Variants in GIPC2 observed in about 807,000 individuals in gnomAD.
GIPC2 encodes GIPC PDZ domain containing family member 2, also known as PDZ domain-containing protein GIPC2.
In GIPC2, 30 loss-of-function variants were observed where a neutral mutation model predicts 30.6. The ratio of observed to expected loss-of-function variants is 0.98; its 90% CI spans 0.73 to 1.33. GIPC2 has a LOEUF of 1.33. GIPC2 is among the 40% of genes most tolerant of loss of function. The pLI, the probability that GIPC2 is intolerant of heterozygous loss-of-function variation, is 0.00. For missense variants in GIPC2, 414 were observed against 390.3 expected (o/e 1.06, Z -0.51); for synonymous variants, 167 against 150.0 (o/e 1.11, Z -0.83).
At position 78,046,009 on chromosome 1, in the gene GIPC2, G is replaced by C; in HGVS notation, c.-86G>C. 1 of 1,393,762 alleles carries C rather than the reference G, an allele frequency of 7.2e-7. No individual in the cohort carries two copies. 86.3% of individuals were successfully genotyped at this position (1,393,762 alleles called of 1,614,324 possible). On this transcript the variant is annotated 5_prime_UTR_variant, in exon 1 of 6. Transcript: ENST00000370759. The stretch of plus-strand genomic sequence containing the variant: ...CATTGGAGGCTGCTTTTACCTGCGC[G>C]GGGCCCGGGGCGCAAAGTCCGAGGC...
chr1:78,091,961 T>TGAAG, intron 2 of GIPC2: 1 of 1,154,358 alleles, frequency 8.7e-7, no homozygotes, highest in Non-Finnish European at 1.3e-6. Context: ...TTGCTTCTTC[T>TGAAG]TCGTTTTGAA....
At chr1:78,121,259 G>A (rs1460732273) in intron 4 of GIPC2, among the ~76,000 whole-genome samples, 1 of 152,128 alleles carries the variant, frequency 6.6e-6, no homozygotes, top group African/African-American at 2.4e-5. Flanking sequence ...AAGGCATGGG[G>A]GTCAAAGCCC....
intron 3 of GIPC2, among the ~76,000 whole-genome samples, chr1:78,116,487 T>A (rs900036313): frequency 2.6e-5 from 4 of 152,178 alleles, no homozygotes; most frequent in Non-Finnish European, 5.9e-5. Flanking sequence ...GTATATCTCC[T>A]AATGCTATCC....
At chr1:78,052,107 C>T (rs967665575) in intron 1 of GIPC2, among the ~76,000 whole-genome samples, 5 of 152,068 alleles carry the variant, frequency 3.3e-5, no homozygotes, top group African/African-American at 1.2e-4. Flanking sequence ...AATGCTGGAG[C>T]CTTAAGACTT....
chr1:78,080,804 G>C lies in GIPC2; in HGVS notation c.370G>C (p.Glu124Gln). 1 of 1,610,470 alleles carries C rather than the reference G, an allele frequency of 6.2e-7. No homozygotes were observed. The highest frequency in any genetic ancestry group is 8.5e-7 in the Non-Finnish European group (1 of 1,177,256). Residue 124 changes from glutamate to glutamine, a missense_variant, in exon 2 of 6, where the codon GAG (glutamate) becomes CAG (glutamine). Transcript: ENST00000370759. ...AAAAGAAGTGAATGTGTATAAATCTGAGGATTCACTTGGTCTCACCATTAC... is the reference window on the plus strand; with the variant it reads ...AAAAGAAGTGAATGTGTATAAATCTCAGGATTCACTTGGTCTCACCATTAC... ...IEKEVNVYKS[E>Q]DSLGLTITDN... is the part of the protein sequence containing the mutation.
chr1:78,121,326 C>G (rs578169008), intron 4 of GIPC2, among the ~76,000 whole-genome samples: 7 of 152,052 alleles, frequency 4.6e-5, no homozygotes, highest in Non-Finnish European at 1.0e-4. Flanking sequence ...CTCGGGGGGG[C>G]AGGGGCAAGG....
chr1:78,107,827 A>G (rs1662389044), intron 3 of GIPC2, among the ~76,000 whole-genome samples: 1 of 114,782 alleles, frequency 8.7e-6, no homozygotes, highest in Admixed American at 8.3e-5. Flanking sequence ...TCTGTCTCAA[A>G]AAAAAAAAAA....
chr1:78,100,981 C>CACAT (rs1401133975), intron 3 of GIPC2, among the ~76,000 whole-genome samples: 1 of 144,198 alleles, frequency 6.9e-6, no homozygotes, highest in Non-Finnish European at 1.5e-5. Context: ...CACACACACA[C>CACAT]ATACACACGA....
intron 3 of GIPC2, among the ~76,000 whole-genome samples, chr1:78,100,384 T>G (rs1325055751): frequency 6.6e-6 from 1 of 152,164 alleles, no homozygotes; most frequent in African/African-American, 2.4e-5. Context: ...GAGAGCTGAT[T>G]GTTAAATGTA....
intron 2 of GIPC2, chr1:78,091,830 G>A (rs631045): frequency 0.24 from 184,756 of 776,652 alleles, 24,161 homozygotes; most frequent in East Asian, 0.48. Context: ...GATAATAGAA[G>A]GATGTCTCGG....
chr1:78,080,952 T>C, intron 2 of GIPC2, 92 bp downstream of exon 2: 1 of 630,602 alleles, frequency 1.6e-6, no homozygotes, highest in Non-Finnish European at 2.6e-6. Context: ...ATCTTCAGAG[T>C]GAGAGCCCGC....
intron 3 of GIPC2, among the ~76,000 whole-genome samples, chr1:78,101,976 T>G (rs944562891): frequency 6.6e-6 from 1 of 152,208 alleles, no homozygotes; most frequent in Non-Finnish European, 1.5e-5. Context: ...AAGCTTTGAT[T>G]TGGTTTTACT....
chr1:78,080,444 A>C (rs1229958172), intron 1 of GIPC2, among the ~76,000 whole-genome samples: 2 of 152,140 alleles, frequency 1.3e-5, no homozygotes, highest in South Asian at 2.1e-4. Context: ...TGGGATGTAA[A>C]TTGTCTAGCG....
At chr1:78,069,302 T>G (rs1025845939) in intron 1 of GIPC2, among the ~76,000 whole-genome samples, 1 of 152,116 alleles carries the variant, frequency 6.6e-6, no homozygotes, top group Admixed American at 6.5e-5. Context: ...CACTCCAGAT[T>G]GAGGGCTAAC....
intron 4 of GIPC2, among the ~76,000 whole-genome samples, chr1:78,121,375 G>C (rs986103364): frequency 1.3e-5 from 2 of 152,176 alleles, no homozygotes; most frequent in Admixed American, 1.3e-4. Flanking sequence ...TGTGAATGCT[G>C]TCTGGGTTCC....
At chr1:78,067,708 C>G (rs541619310) in intron 1 of GIPC2, among the ~76,000 whole-genome samples, 1 of 152,310 alleles carries the variant, frequency 6.6e-6, no homozygotes, top group East Asian at 1.9e-4. Flanking sequence ...GCCTTAGCCT[C>G]CCAAAGTGCT....
intron 3 of GIPC2, among the ~76,000 whole-genome samples, chr1:78,114,135 A>G (rs560992342): frequency 3.0e-4 from 46 of 152,302 alleles, no homozygotes; most frequent in African/African-American, 1.1e-3. Flanking sequence ...GTGACGTATG[A>G]CAGGCGGACG....
rs1221163912 is a variant in GIPC2, at chr1:78,080,686, C to T, written c.252C>T (p.Cys84=). 7 of 1,590,600 alleles carry T rather than the reference C, an allele frequency of 4.4e-6. No individual in the cohort carries two copies. The highest frequency in any genetic ancestry group is 6.0e-6 in the Non-Finnish European group (7 of 1,164,022). Residue 84 remains cysteine, a synonymous_variant, in exon 2 of 6, where the codon TGC becomes TGT. Transcript: ENST00000370759. The stretch of plus-strand genomic sequence containing the variant: ...ATTTTTCTTTGCAGATCTTATATTG[C>T]ACTTTAAACACACCTAAAATTGACA... ...FEISPSEILY[C]TLNTPKIDME... is the part of the protein sequence containing the mutation.
intron 2 of GIPC2, chr1:78,089,116 G>A (rs1293006577): frequency 6.6e-6 from 1 of 152,214 alleles, no homozygotes; most frequent in Non-Finnish European, 1.5e-5. Context: ...GGAAATAAGA[G>A]TAGGTTAAAG....
Sources: gnomAD v4.1 joint callset for allele counts (sites outside exome capture counted in the v4.1 genomes callset) on GRCh38, gnomAD v4.1.1 for gene constraint, MANE v1.5 for transcripts, NCBI Gene and HGNC (gene_info 2026-07-23, HGNC 2026-07-21) for gene names.